Variants in ESR1 observed in about 807,000 individuals in gnomAD.
ESR1 encodes estrogen receptor 1.
Under a neutral mutation model 52.7 loss-of-function variants are expected in ESR1, and 12 were observed. The ratio of observed to expected loss-of-function variants is 0.23; its 90% CI spans 0.15 to 0.37. The LOEUF is 0.37. Among genes scored for constraint, ESR1 ranks in the 10% least tolerant of loss-of-function variants. The pLI, the probability that ESR1 is intolerant of heterozygous loss-of-function variation, is 1.00. For missense variants in ESR1, 584 were observed against 779.7 expected (o/e 0.75, Z 2.99); for synonymous variants, 305 against 316.8 (o/e 0.96, Z 0.39).
intron 3 of ESR1, among the ~76,000 whole-genome samples, chr6:151,896,886 T>C: frequency 6.6e-6 from 1 of 152,184 alleles, no homozygotes; most frequent in East Asian, 1.9e-4. Flanking sequence ...GTGTCACTAT[T>C]ATTGTTCAAT....
chr6:152,122,764 A>C (rs1027036416), intron 6 of ESR1: 24 of 1,596,038 alleles, frequency 1.5e-5, no homozygotes, highest in Non-Finnish European at 2.0e-5. Context: ...TGGAAGCTAA[A>C]GGGCCATGCC....
At chr6:151,760,610 T>C (rs759857219) in intron 2 of ESR1, among the ~76,000 whole-genome samples, 3 of 152,216 alleles carry the variant, frequency 2.0e-5, no homozygotes, top group Non-Finnish European at 4.4e-5. Context: ...GCAGATAGGC[T>C]TATTTGCGCT....
chr6:151,873,006 G>C (rs1487524750), intron 2 of ESR1, among the ~76,000 whole-genome samples: 1 of 152,214 alleles, frequency 6.6e-6, no homozygotes, highest in Non-Finnish European at 1.5e-5. Context: ...TGGGTTGGCT[G>C]TGTTAATTCC....
At chr6:152,064,083 T>C (rs887844865) in intron 6 of ESR1, among the ~76,000 whole-genome samples, 1 of 152,246 alleles carries the variant, frequency 6.6e-6, no homozygotes, top group Non-Finnish European at 1.5e-5. Context: ...TTTATTACTT[T>C]GCTTGCAAAA....
At chr6:151,679,938 A>G (rs1050224407) in intron 1 of ESR1, among the ~76,000 whole-genome samples, 2 of 152,202 alleles carry the variant, frequency 1.3e-5, no homozygotes, top group African/African-American at 4.8e-5. Flanking sequence ...TTATAAGTCC[A>G]GTCCCTACCC....
At chr6:151,966,176 A>G (rs572791640) in intron 4 of ESR1, among the ~76,000 whole-genome samples, 14 of 152,300 alleles carry the variant, frequency 9.2e-5, no homozygotes, top group African/African-American at 3.4e-4. Flanking sequence ...CTGCTTTCAA[A>G]TTCTTTCCCC....
At chr6:152,114,538 T>TTTTAATAA (rs2051183792) in intron 6 of ESR1, among the ~76,000 whole-genome samples, 1 of 152,140 alleles carries the variant, frequency 6.6e-6, no homozygotes, top group African/African-American at 2.4e-5. Flanking sequence ...ATTTGGCCAC[T>TTTTAATAA]TTTAATAAAT....
intron 4 of ESR1, among the ~76,000 whole-genome samples, chr6:151,963,549 T>G (rs925336413): frequency 2.6e-5 from 4 of 152,248 alleles, no homozygotes; most frequent in African/African-American, 9.6e-5. Context: ...CCTTTTGAAT[T>G]GTTTGAATTC....
At chr6:152,121,476 C>T (rs1246618217) in intron 6 of ESR1, among the ~76,000 whole-genome samples, 2 of 152,262 alleles carry the variant, frequency 1.3e-5, no homozygotes, top group South Asian at 4.1e-4. Context: ...ATTTGATTGA[C>T]TATGGAAGGA....
chr6:151,965,891 A>G (rs947656236), intron 4 of ESR1, among the ~76,000 whole-genome samples: 1 of 152,152 alleles, frequency 6.6e-6, no homozygotes, highest in Non-Finnish European at 1.5e-5. Context: ...ATTTGATTAT[A>G]CAACTAGCAT....
At chr6:151,951,198 A>C (rs999054063) in intron 4 of ESR1, among the ~76,000 whole-genome samples, 2 of 152,000 alleles carry the variant, frequency 1.3e-5, no homozygotes, top group South Asian at 4.2e-4. Flanking sequence ...TGCATCTTTG[A>C]TGCATTTGAA....
chr6:151,964,740 C>T (rs921696176), intron 4 of ESR1, among the ~76,000 whole-genome samples: 1 of 151,748 alleles, frequency 6.6e-6, no homozygotes. Context: ...CTCCTGGGTT[C>T]ACACCATTCT....
At chr6:152,075,496 T>C (rs1276177025) in intron 6 of ESR1, among the ~76,000 whole-genome samples, 1 of 152,210 alleles carries the variant, frequency 6.6e-6, no homozygotes, top group Non-Finnish European at 1.5e-5. Context: ...CTTAGAATGA[T>C]AGAAACAATA....
rs1226004281 is a variant in ESR1 at position 152,101,230 on chromosome 6, A to G, written c.*2264A>G. On this transcript the variant is annotated 3_prime_UTR_variant, in exon 8 of 8. Transcript: ENST00000206249. Reference sequence around the variant, plus strand: ...TGACAGACAATCTTATGTAGCAAAGATTATGCCTGAAAAGGAAAATTATTC... The same window carrying G: ...TGACAGACAATCTTATGTAGCAAAGGTTATGCCTGAAAAGGAAAATTATTC... 2 of 232,052 alleles carry G rather than the reference A, an allele frequency of 8.6e-6. No homozygotes were observed. The highest frequency in any genetic ancestry group is 1.7e-5 in the Non-Finnish European group (2 of 117,208). 14.4% of individuals were successfully genotyped at this position (232,052 alleles called of 1,614,324 possible).
chr6:151,883,865 T>G (rs866220527), intron 3 of ESR1, among the ~76,000 whole-genome samples: 12 of 151,816 alleles, frequency 7.9e-5, no homozygotes, highest in South Asian at 4.2e-4. Flanking sequence ...ATCCACAGCT[T>G]CTTCTTCTTC....
intron 1 of ESR1, among the ~76,000 whole-genome samples, chr6:151,663,467 G>T (rs553024361): frequency 4.6e-5 from 7 of 152,286 alleles, no homozygotes; most frequent in Admixed American, 2.0e-4. Context: ...TCTTAGAAGG[G>T]CTGGCACCTT....
chr6:151,877,481 G>T (rs1361667580), intron 2 of ESR1, among the ~76,000 whole-genome samples: 1 of 152,122 alleles, frequency 6.6e-6, no homozygotes, highest in African/African-American at 2.4e-5. Flanking sequence ...TGTCACAAAA[G>T]GTTTGCCGTA....
chr6:151,662,482 G>A (rs1476663332), intron 1 of ESR1, among the ~76,000 whole-genome samples: 1 of 152,170 alleles, frequency 6.6e-6, no homozygotes, highest in Non-Finnish European at 1.5e-5. Flanking sequence ...GAAAGAATCA[G>A]GATTCAAAGC....
At chr6:151,925,114 C>T (rs2032450722) in intron 3 of ESR1, among the ~76,000 whole-genome samples, 1 of 56,168 alleles carries the variant, frequency 1.8e-5, no homozygotes, top group African/African-American at 1.2e-4. Flanking sequence ...ATAACCTCCC[C>T]AGCATCTGGT....
Sources: allele counts gnomAD v4.1 joint callset (sites outside exome capture counted in the v4.1 genomes callset), GRCh38; gene constraint gnomAD v4.1.1; transcripts MANE v1.5; gene names NCBI Gene and HGNC (gene_info 2026-07-23, HGNC 2026-07-21).